VWC2L: variants seen among roughly 807,000 people sequenced by gnomAD.
VWC2L encodes von Willebrand factor C domain-containing protein 2-like.
In VWC2L, 10 loss-of-function variants were observed where a neutral mutation model predicts 21.6. The observed-to-expected ratio is 0.46, with a 90% CI of 0.29 to 0.78. The LOEUF is 0.78. Ranked by LOEUF, VWC2L falls within the 30% of genes least tolerant of loss-of-function variation. VWC2L has a pLI of 0.10. For synonymous variants in VWC2L, 96 were observed against 94.3 expected (o/e 1.02, Z -0.10); for missense variants, 209 against 277.1 (o/e 0.75, Z 1.74).
chr2:214,540,199 C>T (rs1006893241), intron 3 of VWC2L, among the ~76,000 whole-genome samples: 1 of 152,092 alleles, frequency 6.6e-6, no homozygotes, highest in African/African-American at 2.4e-5. Context: ...TAAATGAAAT[C>T]CTCAGAAAGA....
At chr2:214,552,598 A>T (rs1689811230) in intron 3 of VWC2L, among the ~76,000 whole-genome samples, 1 of 151,768 alleles carries the variant, frequency 6.6e-6, no homozygotes, top group Non-Finnish European at 1.5e-5. Flanking sequence ...ATATCATCCT[A>T]CTCCTATTTC....
At chr2:214,451,254 T>C (rs1230259495) in intron 3 of VWC2L, among the ~76,000 whole-genome samples, 1 of 145,314 alleles carries the variant, frequency 6.9e-6, no homozygotes, top group African/African-American at 2.5e-5. Context: ...TAGGTGCTAA[T>C]ATTAAGAAAT....
chr2:214,521,831 A>G (rs1424359049), intron 3 of VWC2L, among the ~76,000 whole-genome samples: 1 of 152,246 alleles, frequency 6.6e-6, no homozygotes, highest in Non-Finnish European at 1.5e-5. Flanking sequence ...AAGAAATGCT[A>G]TCTGTATGAG....
At chr2:214,573,911 C>T (rs1450641887) in intron 3 of VWC2L, among the ~76,000 whole-genome samples, 1 of 152,194 alleles carries the variant, frequency 6.6e-6, no homozygotes, top group East Asian at 1.9e-4. Context: ...TAGGCCAAGG[C>T]AGGTGGATCG....
intron 3 of VWC2L, among the ~76,000 whole-genome samples, chr2:214,502,209 T>C (rs1056367500): frequency 1.3e-4 from 20 of 152,234 alleles, no homozygotes; most frequent in African/African-American, 4.8e-4. Flanking sequence ...TCGCATGTTC[T>C]CAATAAATAT....
intron 3 of VWC2L, among the ~76,000 whole-genome samples, chr2:214,467,641 C>A (rs1222713627): frequency 1.3e-5 from 2 of 152,128 alleles, no homozygotes; most frequent in African/African-American, 4.8e-5. Flanking sequence ...GAAGAGCATA[C>A]TTTACAACTT....
rs56041924 is a variant in VWC2L, at chr2:214,470,916, C to CAAAAAAAAAAAAAAAAAAAA, written c.520+34166_520+34185dup. Among the ~76,000 whole-genome samples the CAAAAAAAAAAAAAAAAAAAA allele has an allele frequency of 4.9e-4, 25 of 50,796 alleles. 1 individual carries two copies. The highest frequency in any genetic ancestry group is 2.2e-3 in the African/African-American group (22 of 9,968). The allele number at this position is 50,796 out of a possible 152,430, so 33.3% of individuals were successfully genotyped here. ...TGGGCAACAGAGTGAAACTCCATCT[C>CAAAAAAAAAAAAAAAAAAAA]AAAAAAAAAAAAAAAAAAAAAAAAA... On this transcript the variant is annotated intron_variant, in intron 3 of 3. Transcript: ENST00000312504.
At chr2:214,508,411 T>C (rs1005811692) in intron 3 of VWC2L, among the ~76,000 whole-genome samples, 25 of 152,204 alleles carry the variant, frequency 1.6e-4, no homozygotes, top group African/African-American at 6.0e-4. Context: ...CCCTGTCTAC[T>C]CCCAAACTGC....
At chr2:214,449,921 A>C (rs1641159998) in intron 3 of VWC2L, among the ~76,000 whole-genome samples, 1 of 152,160 alleles carries the variant, frequency 6.6e-6, no homozygotes, top group South Asian at 2.1e-4. Context: ...TCCCTAATGC[A>C]ATATATCTGC....
At chr2:214,524,035 G>T (rs1448149741) in intron 3 of VWC2L, among the ~76,000 whole-genome samples, 2 of 151,978 alleles carry the variant, frequency 1.3e-5, no homozygotes, top group Non-Finnish European at 2.9e-5. Flanking sequence ...TAGTCATAAA[G>T]TTATCTTAAA....
chr2:214,462,464 A>T (rs1162072921), intron 3 of VWC2L, among the ~76,000 whole-genome samples: 1 of 152,166 alleles, frequency 6.6e-6, no homozygotes, highest in Non-Finnish European at 1.5e-5. Flanking sequence ...TGCTTATTTA[A>T]AATGTGATTA....
chr2:214,575,321 G>C (rs1690212566), intron 3 of VWC2L, among the ~76,000 whole-genome samples: 1 of 152,162 alleles, frequency 6.6e-6, no homozygotes, highest in Non-Finnish European at 1.5e-5. Context: ...TCGTGTTTCA[G>C]AGCATACGCT....
At chr2:214,486,178 A>G (rs1688669935) in intron 3 of VWC2L, among the ~76,000 whole-genome samples, 1 of 152,202 alleles carries the variant, frequency 6.6e-6, no homozygotes, top group African/African-American at 2.4e-5. Flanking sequence ...ACATCCTGAT[A>G]AGGAATGTCA....
At chr2:214,562,813 G>T (rs1011668672) in intron 3 of VWC2L, among the ~76,000 whole-genome samples, 2 of 152,098 alleles carry the variant, frequency 1.3e-5, no homozygotes, top group Non-Finnish European at 1.5e-5. Context: ...TTTTAATGGG[G>T]TTGTTTTTTC....
chr2:214,571,792 C>G (rs1690153018), intron 3 of VWC2L, among the ~76,000 whole-genome samples: 1 of 151,014 alleles, frequency 6.6e-6, no homozygotes, highest in Admixed American at 6.6e-5. Context: ...CATATTCATT[C>G]TCTCTCTCTC....
At chr2:214,455,196 T>C (rs1703037496) in intron 3 of VWC2L, among the ~76,000 whole-genome samples, 1 of 152,170 alleles carries the variant, frequency 6.6e-6, no homozygotes, top group Non-Finnish European at 1.5e-5. Context: ...ACCAATGACC[T>C]ATGACACTAT....
intron 3 of VWC2L, among the ~76,000 whole-genome samples, chr2:214,477,767 G>A (rs549998184): frequency 1.3e-5 from 2 of 152,306 alleles, no homozygotes; most frequent in South Asian, 4.1e-4. Context: ...TACAATTGAA[G>A]TCTTCATCTT....
intron 2 of VWC2L, among the ~76,000 whole-genome samples, chr2:214,426,342 A>G (rs1389093736): frequency 1.3e-5 from 2 of 152,120 alleles, no homozygotes; most frequent in Non-Finnish European, 2.9e-5. Flanking sequence ...TGACAAGATC[A>G]AAGGGTATAC....
intron 3 of VWC2L, among the ~76,000 whole-genome samples, chr2:214,450,287 G>A (rs1702934186): frequency 6.6e-6 from 1 of 152,142 alleles, no homozygotes; most frequent in Non-Finnish European, 1.5e-5. Context: ...GCAAGAGTCA[G>A]GTCTCAGCTG....
Sources: gnomAD v4.1 joint callset for allele counts (sites outside exome capture counted in the v4.1 genomes callset) on GRCh38, gnomAD v4.1.1 for gene constraint, MANE v1.5 for transcripts, NCBI Gene and HGNC (gene_info 2026-07-23, HGNC 2026-07-21) for gene names.